Variants in ADGRD1 observed in about 807,000 individuals in gnomAD.
ADGRD1 encodes the protein adhesion G protein-coupled receptor D1, also known as G-protein coupled receptor 133.
A neutral mutation model predicts 113.4 loss-of-function variants in ADGRD1; 77 were observed. That is an observed-to-expected ratio of 0.68 (90% confidence interval 0.57 to 0.82). The LOEUF is 0.82. Among genes scored for constraint, ADGRD1 ranks in the 40% least tolerant of loss-of-function variants. The pLI, the probability that ADGRD1 is intolerant of heterozygous loss-of-function variation, is 0.00. For synonymous variants in ADGRD1, 474 were observed against 475.0 expected, an observed-to-expected ratio of 1.00 and a Z score of 0.03; for missense variants, 1,036 against 1,139.1, an observed-to-expected ratio of 0.91 and a Z score of 1.30.
At position 131,003,341 on chromosome 12, in the gene ADGRD1, C is replaced by A; in HGVS notation, c.1144+39C>A. Reference sequence around the variant, plus strand: ...GTAAGGGTGAGCCACATGGCAGGGGCGGGGGCTGGAGGCTGCGTTTCACTG... The same window carrying A: ...GTAAGGGTGAGCCACATGGCAGGGGAGGGGGCTGGAGGCTGCGTTTCACTG... On this transcript the variant is annotated intron_variant, in intron 10 of 24. Transcript: ENST00000261654. The surrounding 1 kb of genome is among the most constrained non-coding windows in gnomAD (Gnocchi z 4.8). 1 of 1,413,292 alleles carries A rather than the reference C, an allele frequency of 7.1e-7. No homozygotes were observed. Among genetic ancestry groups the A allele is most frequent in the Non-Finnish European group, 1.0e-6 (1 of 1,000,320 alleles). 87.5% of individuals were successfully genotyped at this position (1,413,292 alleles called of 1,614,324 possible).
chr12:131,038,447 G>C (rs970417042), intron 13 of ADGRD1, among the ~76,000 whole-genome samples: 3 of 152,240 alleles, frequency 2.0e-5, no homozygotes, highest in Admixed American at 6.5e-5. Context: ...CCTCCCACAA[G>C]GGAACGAGCC....
At chr12:131,048,133 G>A (rs947496326) in intron 13 of ADGRD1, among the ~76,000 whole-genome samples, 2 of 152,230 alleles carry the variant, frequency 1.3e-5, no homozygotes, top group Non-Finnish European at 2.9e-5. Context: ...GATGCTTGTC[G>A]GTCACAGAGC....
intron 13 of ADGRD1, among the ~76,000 whole-genome samples, chr12:131,066,053 C>T (rs963083677): frequency 2.0e-5 from 3 of 152,082 alleles, no homozygotes; most frequent in African/African-American, 7.2e-5. Flanking sequence ...ACCTTAGAGC[C>T]CCAGGGCCGG....
intron 15 of ADGRD1, among the ~76,000 whole-genome samples, chr12:131,090,795 T>C (rs755794430): frequency 2.0e-4 from 30 of 152,238 alleles, no homozygotes; most frequent in Non-Finnish European, 8.8e-5. Context: ...CACATGCTTC[T>C]TTAGAATAAA....
chr12:130,992,193 G>A, intron 7 of ADGRD1, 44 bp from the exon 8 acceptor site: 1 of 1,475,864 alleles, frequency 6.8e-7, no homozygotes, highest in South Asian at 1.2e-5. Flanking sequence ...ATAATATTTT[G>A]GTTTTAGTTC....
At chr12:131,078,350 G>A (rs1422347708) in intron 14 of ADGRD1, among the ~76,000 whole-genome samples, 2 of 152,228 alleles carry the variant, frequency 1.3e-5, no homozygotes, top group East Asian at 1.9e-4. Context: ...TATGGCCGTC[G>A]GCGTCTGGCT....
At position 131,108,771 on chromosome 12, in the gene ADGRD1, T is replaced by C. The variant is rs369429882; in HGVS notation, c.1935T>C (p.Ser645=). ...TGCTCCTACACTACTTCTTCCTGAG[T>C]GCCTTCGCATGGATGCTGGTGGAGG... ...MAVLLHYFFL[S]AFAWMLVEGL... is the part of the protein sequence containing the mutation. The change falls in exon 18 of 25, where the codon AGT becomes AGC. Residue 645 remains serine (S), a synonymous_variant. Transcript: ENST00000261654. The C allele has an allele frequency of 6.2e-7, 1 of 1,614,084 alleles. No individual in the cohort carries two copies.
Position 131,138,807 on chromosome 12 carries a change from C to T in ADGRD1, c.2530-361C>T, listed in dbSNP as rs575853814. Among the ~76,000 whole-genome samples, 7 of 152,354 alleles carry T rather than the reference C, an allele frequency of 4.6e-5. No homozygotes were observed. In the East Asian group the frequency reaches 1.2e-3, roughly 25 times the overall value. ...TGCTCTAGCCCCACGGCTACAGCTG[C>T]GCCGGGTGTGTGGCACGCTCCATGA... On this transcript the variant is annotated intron_variant, in intron 24 of 24. Transcript: ENST00000261654.
chr12:130,980,925 T>C (rs531827818), intron 4 of ADGRD1: 11 of 152,378 alleles, frequency 7.2e-5, no homozygotes, highest in African/African-American at 2.6e-4. Context: ...TCATTCATGC[T>C]AACATGCGTC....
At chr12:131,116,653 G>A (rs1014867636) in intron 18 of ADGRD1, among the ~76,000 whole-genome samples, 3 of 152,160 alleles carry the variant, frequency 2.0e-5, no homozygotes, top group Non-Finnish European at 2.9e-5. Flanking sequence ...CATGCTCTTC[G>A]TGCACTTCCA....
intron 8 of ADGRD1, 37 bp from the exon 9 acceptor site, chr12:131,000,346 G>A (rs939359542): frequency 1.3e-6 from 2 of 1,562,248 alleles, no homozygotes; most frequent in Admixed American, 1.7e-5. Context: ...GTTGCCTAAG[G>A]ACAGGTGCTG....
At chr12:131,085,813 G>C (rs1886421988) in intron 15 of ADGRD1, among the ~76,000 whole-genome samples, 1 of 152,186 alleles carries the variant, frequency 6.6e-6, no homozygotes, top group South Asian at 2.1e-4. Flanking sequence ...CCAGGCTGGA[G>C]GGTAAGTCAG....
intron 3 of ADGRD1, chr12:130,967,122 G>A: frequency 4.7e-6 from 2 of 427,688 alleles, no homozygotes; most frequent in Non-Finnish European, 9.8e-6. Context: ...ACCACAGCAG[G>A]GGCCTATTGA....
chr12:131,052,395 G>A (rs1883487007), intron 13 of ADGRD1, among the ~76,000 whole-genome samples: 1 of 152,166 alleles, frequency 6.6e-6, no homozygotes, highest in South Asian at 2.1e-4. Context: ...ACCTGTTCCC[G>A]AACTCAGTCC....
At chr12:131,097,504 T>C (rs1474718644) in intron 15 of ADGRD1, among the ~76,000 whole-genome samples, 1 of 152,202 alleles carries the variant, frequency 6.6e-6, no homozygotes, top group Non-Finnish European at 1.5e-5. Context: ...TGCCAGCAAC[T>C]GGACCCAGCC....
intron 21 of ADGRD1, among the ~76,000 whole-genome samples, chr12:131,134,986 G>C (rs1389115625): frequency 3.3e-5 from 5 of 152,216 alleles, no homozygotes; most frequent in Non-Finnish European, 5.9e-5. Flanking sequence ...TGTGACAGTG[G>C]CTGACCTGGG....
At chr12:131,129,250 G>A (rs1412521504) in intron 20 of ADGRD1, among the ~76,000 whole-genome samples, 7 of 133,824 alleles carry the variant, frequency 5.2e-5, no homozygotes, top group African/African-American at 2.0e-4. Flanking sequence ...CCGCCCTGCT[G>A]TCTGGGTGTG....
intron 8 of ADGRD1, among the ~76,000 whole-genome samples, chr12:130,996,797 C>G (rs1233513033): frequency 2.7e-5 from 3 of 109,554 alleles, no homozygotes; most frequent in South Asian, 3.0e-4. Context: ...AGAGGCGCCC[C>G]TCACCTCCCG....
At chr12:131,127,465 A>G (rs1950766117) in intron 20 of ADGRD1, among the ~76,000 whole-genome samples, 1 of 152,150 alleles carries the variant, frequency 6.6e-6, no homozygotes, top group Non-Finnish European at 1.5e-5. Context: ...CTCTGAGCTC[A>G]TGTGGGTGTT....
Sources: gnomAD v4.1 joint callset for allele counts (sites outside exome capture counted in the v4.1 genomes callset) on GRCh38, gnomAD v4.1.1 for gene constraint, Gnocchi (gnomAD v3.1) non-coding constraint, MANE v1.5 for transcripts, NCBI Gene and HGNC (gene_info 2026-07-23, HGNC 2026-07-21) for gene names.